Variants in SLC44A5 observed in about 807,000 individuals in gnomAD.
SLC44A5 encodes solute carrier family 44 member 5.
A neutral mutation model predicts 101.8 loss-of-function variants in SLC44A5; 57 were observed. The observed-to-expected ratio is 0.56, with a 90% CI of 0.45 to 0.70. SLC44A5 has a LOEUF of 0.70. Ranked by LOEUF, SLC44A5 falls within the 30% of genes least tolerant of loss-of-function variation. The pLI is 0.00. For synonymous variants in SLC44A5, 281 were observed against 290.9 expected (o/e 0.97, Z 0.35); for missense variants, 737 against 853.1 (o/e 0.86, Z 1.70).
the SLC44A5 span, among the ~76,000 whole-genome samples, chr1:75,632,905 A>T: frequency 6.6e-6 from 1 of 152,206 alleles, no homozygotes; most frequent in Admixed American, 6.5e-5. Flanking sequence ...CAAAACACTT[A>T]AAACAGTTCC....
intron 2 of SLC44A5, among the ~76,000 whole-genome samples, chr1:75,457,883 G>A (rs952072905): frequency 6.6e-6 from 1 of 151,920 alleles, no homozygotes; most frequent in Non-Finnish European, 1.5e-5. Flanking sequence ...TCACTGAGGT[G>A]GAACAACGGA....
intron 2 of SLC44A5, among the ~76,000 whole-genome samples, chr1:75,415,067 T>C (rs927762720): frequency 6.6e-6 from 1 of 152,282 alleles, no homozygotes; most frequent in Non-Finnish European, 1.5e-5. Context: ...AGGTGAGAGA[T>C]GATTATATCT....
chr1:75,468,462 A>G (rs1456943935), intron 2 of SLC44A5, among the ~76,000 whole-genome samples: 2 of 152,192 alleles, frequency 1.3e-5, no homozygotes, highest in Non-Finnish European at 1.5e-5. Context: ...ACATCATATT[A>G]TACACCATGT....
chr1:75,438,936 A>G lies in SLC44A5; in HGVS notation c.14-42315T>C, dbSNP rs557818509. On this transcript the variant is annotated intron_variant, in intron 2 of 23. Coordinates refer to ENST00000370859, the MANE Select transcript of SLC44A5 (RefSeq NM_001130058.2). The stretch of plus-strand genomic sequence containing the variant: ...TCTTTTAGGATAAAGACTATCTATG[A>G]AAATACCAAAGAAATAATACATGAA... Among the ~76,000 whole-genome samples, 3 of 152,260 alleles carry G rather than the reference A, an allele frequency of 2.0e-5. No homozygotes were observed. In the South Asian group the frequency reaches 6.2e-4, roughly 32 times the overall value.
At chr1:75,272,329 C>CT (rs61199324) in intron 6 of SLC44A5, among the ~76,000 whole-genome samples, 11 of 143,088 alleles carry the variant, frequency 7.7e-5, no homozygotes, top group Admixed American at 1.4e-4. Flanking sequence ...GGTCCCATTT[C>CT]TTTTTTTTTT....
At chr1:75,408,326 C>G (rs1244987693) in intron 2 of SLC44A5, among the ~76,000 whole-genome samples, 2 of 152,094 alleles carry the variant, frequency 1.3e-5, no homozygotes, top group Non-Finnish European at 2.9e-5. Context: ...AATCTAGAAT[C>G]AGAAATACCA....
At chr1:75,321,261 A>G (rs1656120360) in intron 4 of SLC44A5, among the ~76,000 whole-genome samples, 2 of 152,210 alleles carry the variant, frequency 1.3e-5, no homozygotes, top group South Asian at 2.1e-4. Context: ...CTCAGTACCA[A>G]TTTATTTCTC....
intron 11 of SLC44A5, among the ~76,000 whole-genome samples, chr1:75,235,038 A>G (rs1647949791): frequency 6.6e-6 from 1 of 152,058 alleles, no homozygotes; most frequent in Non-Finnish European, 1.5e-5. Flanking sequence ...TTATCTTTTT[A>G]TTATAAAAAA....
At chr1:75,660,022 G>A in the SLC44A5 span, among the ~76,000 whole-genome samples, 5 of 152,140 alleles carry the variant, frequency 3.3e-5, no homozygotes, top group African/African-American at 7.2e-5. Flanking sequence ...TGGGAAACAC[G>A]GTGAAGCCCT....
At chr1:75,333,517 C>A (rs1276286898) in intron 4 of SLC44A5, among the ~76,000 whole-genome samples, 1 of 150,512 alleles carries the variant, frequency 6.6e-6, no homozygotes, top group Non-Finnish European at 1.5e-5. Flanking sequence ...GATAATTACG[C>A]AAATAACCTA....
At chr1:75,206,525 T>C (rs1029600000) in intron 23 of SLC44A5, 4 of 959,432 alleles carry the variant, frequency 4.2e-6, no homozygotes, top group Non-Finnish European at 3.3e-6. Flanking sequence ...TTCACATTAC[T>C]CAAAAGCAAC....
chr1:75,618,203 C>T, the SLC44A5 span, among the ~76,000 whole-genome samples: 1 of 152,242 alleles, frequency 6.6e-6, no homozygotes, highest in Non-Finnish European at 1.5e-5. Flanking sequence ...ATTTAGTTGA[C>T]TAGTTAGGAC....
At chr1:75,285,755 A>G (rs999776224) in intron 5 of SLC44A5, among the ~76,000 whole-genome samples, 3 of 152,088 alleles carry the variant, frequency 2.0e-5, no homozygotes, top group African/African-American at 7.2e-5. Context: ...CAGGTTATTT[A>G]ATTTCCATGT....
the SLC44A5 span, among the ~76,000 whole-genome samples, chr1:75,694,882 G>T: frequency 6.6e-6 from 1 of 152,120 alleles, no homozygotes; most frequent in African/African-American, 2.4e-5. Context: ...CTTTTGTGGA[G>T]TTGGTTAAAA....
At chr1:75,376,496 G>C (rs922736620) in intron 3 of SLC44A5, among the ~76,000 whole-genome samples, 2 of 152,196 alleles carry the variant, frequency 1.3e-5, no homozygotes, top group African/African-American at 2.4e-5. Context: ...ATCTGAGAAC[G>C]GGCAGACTGC....
At chr1:75,636,994 C>T in the SLC44A5 span, among the ~76,000 whole-genome samples, 1 of 151,898 alleles carries the variant, frequency 6.6e-6, no homozygotes, top group Non-Finnish European at 1.5e-5. Flanking sequence ...ATTATTAATC[C>T]AGACCTGCAC....
intron 2 of SLC44A5, among the ~76,000 whole-genome samples, chr1:75,541,093 G>C (rs965591651): frequency 6.6e-6 from 1 of 152,312 alleles, no homozygotes; most frequent in South Asian, 2.1e-4. Flanking sequence ...CTCTGAGGGA[G>C]AGGGGGCAAC....
At chr1:75,498,455 T>C (rs919995220) in intron 2 of SLC44A5, among the ~76,000 whole-genome samples, 1 of 152,204 alleles carries the variant, frequency 6.6e-6, no homozygotes, top group African/African-American at 2.4e-5. Flanking sequence ...TCTAACCTTA[T>C]GTTGCATTCT....
At chr1:75,363,590 G>A (rs1659654312) in intron 3 of SLC44A5, among the ~76,000 whole-genome samples, 1 of 151,876 alleles carries the variant, frequency 6.6e-6, no homozygotes, top group African/African-American at 2.4e-5. Flanking sequence ...TTATGATATT[G>A]ACTTCAAAAT....
Sources: gnomAD v4.1 joint callset for allele counts (sites outside exome capture counted in the v4.1 genomes callset) on GRCh38, gnomAD v4.1.1 for gene constraint, MANE v1.5 for transcripts, NCBI Gene and HGNC (gene_info 2026-07-23, HGNC 2026-07-21) for gene names.